ZNF438: variants seen among roughly 807,000 people sequenced by gnomAD.
ZNF438 encodes the protein zinc finger protein 438.
A neutral mutation model predicts 38.0 loss-of-function variants in ZNF438; 25 were observed. The observed-to-expected ratio is 0.66, with a 90% CI of 0.48 to 0.92. The LOEUF (loss-of-function observed/expected upper bound fraction) is 0.92, where lower values mean the gene tolerates loss of function less well. ZNF438 is among the 40% of genes least tolerant of loss of function. The pLI, the probability that ZNF438 is intolerant of heterozygous loss-of-function variation, is 0.00. For synonymous variants in ZNF438, 372 were observed against 364.1 expected (o/e 1.02, Z -0.25); for missense variants, 1,007 against 999.6 (o/e 1.01, Z -0.10).
rs1291431447 is a variant in ZNF438 at position 30,948,594 on chromosome 10, G to A, written c.-191-6943C>T. ...CTGAAAACCAAGGCTCGAGAACTAC[G>A]TGAAGAATGCAGAAGCCTCAGGAGC... On this transcript the variant is annotated intron_variant, in intron 1 of 5. Transcript: ENST00000413025. Among the ~76,000 whole-genome samples the A allele has an allele frequency of 6.7e-5, 10 of 149,170 alleles. 1 individual carries two copies. Among genetic ancestry groups the A allele is most frequent in the Non-Finnish European group, 1.5e-4 (10 of 66,606 alleles).
chr10:30,929,234 A>G (rs2045330389), intron 2 of ZNF438, among the ~76,000 whole-genome samples: 1 of 152,218 alleles, frequency 6.6e-6, no homozygotes, highest in African/African-American at 2.4e-5. Context: ...ACTGACTTCA[A>G]GATGAAGCCA....
chr10:30,900,634 CAGAGAG>C (rs2041868112), intron 3 of ZNF438, among the ~76,000 whole-genome samples: 1 of 152,068 alleles, frequency 6.6e-6, no homozygotes, highest in African/African-American at 2.4e-5. Context: ...GAAATTCAGG[CAGAGAG>C]AGATTAAGTA....
At chr10:30,970,811 A>C (rs1318824012) in intron 1 of ZNF438, among the ~76,000 whole-genome samples, 2 of 152,216 alleles carry the variant, frequency 1.3e-5, no homozygotes, top group African/African-American at 4.8e-5. Context: ...CAAAATGGAC[A>C]TCATCACAGG....
chr10:31,007,058 GC>G (rs1191740327), intron 1 of ZNF438, among the ~76,000 whole-genome samples: 1 of 151,986 alleles, frequency 6.6e-6, no homozygotes, highest in Non-Finnish European at 1.5e-5. Flanking sequence ...AGAAAGATTT[GC>G]CCAGCCACTG....
intron 4 of ZNF438, among the ~76,000 whole-genome samples, chr10:30,873,231 A>G (rs944649599): frequency 2.0e-5 from 3 of 152,242 alleles, no homozygotes; most frequent in Admixed American, 6.5e-5. Context: ...GAAAATTGTA[A>G]CAAAATAAGT....
intron 1 of ZNF438, among the ~76,000 whole-genome samples, chr10:30,971,750 T>C (rs949821481): frequency 1.3e-5 from 2 of 152,192 alleles, no homozygotes; most frequent in African/African-American, 4.8e-5. Context: ...TTCTTTATGA[T>C]ATTCCTAATT....
chr10:30,934,090 G>A (rs2135366407), intron 2 of ZNF438, among the ~76,000 whole-genome samples: 1 of 151,692 alleles, frequency 6.6e-6, no homozygotes, highest in African/African-American at 2.4e-5. Context: ...AGATTGCAGT[G>A]AGCCGAGATC....
chr10:30,998,400 G>A (rs941051086), intron 1 of ZNF438, among the ~76,000 whole-genome samples: 11 of 151,504 alleles, frequency 7.3e-5, no homozygotes, highest in East Asian at 1.9e-4. Context: ...AAAATTAGCC[G>A]GGCATGGTGG....
chr10:31,031,468 T>C (rs1235660570), intron 1 of ZNF438, among the ~76,000 whole-genome samples: 1 of 152,142 alleles, frequency 6.6e-6, no homozygotes, highest in Non-Finnish European at 1.5e-5. Flanking sequence ...ACTTAACATG[T>C]CAAACTCCAA....
At chr10:31,022,811 C>T (rs1453965302) in intron 1 of ZNF438, among the ~76,000 whole-genome samples, 1 of 152,182 alleles carries the variant, frequency 6.6e-6, no homozygotes, top group Non-Finnish European at 1.5e-5. Flanking sequence ...CTTCTTCAAG[C>T]ATCTCGACAA....
chr10:30,928,928 G>A lies in ZNF438; in HGVS notation c.-115+12647C>T, dbSNP rs147873113. 5.9e-3 allele frequency among the ~76,000 whole-genome samples: 899 copies of A among 152,102 alleles called. 7 individuals are homozygous for A. The highest frequency in any genetic ancestry group is 7.6e-3 in the Non-Finnish European group (517 of 68,012). ...CCTTCAACCTCCTGATATCACTGTC[G>A]TCTCCTCTGCAGGTGCTTTGGTTTT... On this transcript the variant is annotated intron_variant, in intron 2 of 5. Coordinates refer to ENST00000413025, the Ensembl canonical transcript of ZNF438.
intron 1 of ZNF438, among the ~76,000 whole-genome samples, chr10:30,971,925 T>C (rs553031102): frequency 1.3e-5 from 2 of 152,188 alleles, no homozygotes; most frequent in South Asian, 2.1e-4. Flanking sequence ...AAATTTTGTA[T>C]GTGTTTACAT....
At chr10:30,938,684 A>C (rs2046508807) in intron 2 of ZNF438, among the ~76,000 whole-genome samples, 1 of 152,232 alleles carries the variant, frequency 6.6e-6, no homozygotes, top group South Asian at 2.1e-4. Context: ...TTTTATGTTT[A>C]TGAAGCATTT....
At chr10:30,996,247 TATCAGTAATCACATTAA>T (rs2054037202) in intron 1 of ZNF438, among the ~76,000 whole-genome samples, 1 of 152,096 alleles carries the variant, frequency 6.6e-6, no homozygotes, top group African/African-American at 2.4e-5. Flanking sequence ...AATCCAACTA[TATCAGTAATCACATTAA>T]ATGTGAACAG....
rs115680035 is a variant in ZNF438 at position 30,867,975 on chromosome 10, T to A, written c.37+9023A>T. ...TTATGGAGTATAAGTTATATTCAAA[T>A]GACATTTATATTTTTCCCCCAATTT... On this transcript the variant is annotated intron_variant, in intron 4 of 5. Coordinates refer to ENST00000413025, the Ensembl canonical transcript of ZNF438. Among the ~76,000 whole-genome samples, 461 of 152,314 alleles carry A rather than the reference T, an allele frequency of 3.0e-3. 1 individual carries two copies. The highest frequency in any genetic ancestry group is 0.01 in the African/African-American group (425 of 41,586).
At chr10:30,869,425 G>A (rs141265289) in intron 4 of ZNF438, among the ~76,000 whole-genome samples, 1 of 151,664 alleles carries the variant, frequency 6.6e-6, no homozygotes, top group African/African-American at 2.4e-5. Context: ...AAGAAATACA[G>A]CTATTTTAAA....
intron 2 of ZNF438, among the ~76,000 whole-genome samples, chr10:30,929,768 G>A (rs2045411899): frequency 1.3e-5 from 2 of 152,174 alleles, no homozygotes; most frequent in African/African-American, 4.8e-5. Context: ...GCTGATTGGT[G>A]CATTTACAAT....
At chr10:30,851,542 A>G (rs1485896398) in intron 4 of ZNF438, among the ~76,000 whole-genome samples, 2 of 152,212 alleles carry the variant, frequency 1.3e-5, no homozygotes, top group Non-Finnish European at 2.9e-5. Context: ...TTTGGAATTT[A>G]TATTTTCAAA....
At chr10:30,917,023 C>T (rs1300763094) in intron 2 of ZNF438, among the ~76,000 whole-genome samples, 1 of 151,972 alleles carries the variant, frequency 6.6e-6, no homozygotes, top group Non-Finnish European at 1.5e-5. Context: ...ATGAAATGCA[C>T]CAATCTTAAG....
Sources: gnomAD v4.1 joint callset for allele counts (sites outside exome capture counted in the v4.1 genomes callset) on GRCh38, gnomAD v4.1.1 for gene constraint, MANE v1.5 for transcripts, NCBI Gene and HGNC (gene_info 2026-07-23, HGNC 2026-07-21) for gene names.